Variants in NAV3 observed in about 807,000 individuals in gnomAD.
NAV3 encodes pore membrane and/or filament interacting like protein 1.
In NAV3, 87 loss-of-function variants were observed where a neutral mutation model predicts 244.7. The ratio of observed to expected loss-of-function variants is 0.36; its 90% CI spans 0.30 to 0.42. The LOEUF (loss-of-function observed/expected upper bound fraction) is 0.42. Among genes scored for constraint, NAV3 ranks in the 20% least tolerant of loss-of-function variants. The pLI, the probability that NAV3 is intolerant of heterozygous loss-of-function variation, is 1.00. For synonymous variants in NAV3, 1,126 were observed against 1,042.2 expected (o/e 1.08, Z -1.55); for missense variants, 2,663 against 2,893.3 (o/e 0.92, Z 1.83).
At chr12:78,065,267 C>G (rs1408520167) in intron 12 of NAV3, among the ~76,000 whole-genome samples, 3 of 152,106 alleles carry the variant, frequency 2.0e-5, no homozygotes, top group Non-Finnish European at 4.4e-5. Context: ...TAATGCAAGA[C>G]AGCACAAATC....
At chr12:77,619,733 T>A (rs532425320) in intron 2 of NAV3, among the ~76,000 whole-genome samples, 1 of 152,274 alleles carries the variant, frequency 6.6e-6, no homozygotes, top group African/African-American at 2.4e-5. Flanking sequence ...AATTACTTTC[T>A]GTAAATCACC....
chr12:77,801,933 A>T (rs907998225), intron 2 of NAV3, among the ~76,000 whole-genome samples: 1 of 152,156 alleles, frequency 6.6e-6, no homozygotes, highest in African/African-American at 2.4e-5. Flanking sequence ...AACACCATGT[A>T]TTACATCTCT....
intron 9 of NAV3, among the ~76,000 whole-genome samples, chr12:78,039,995 C>A (rs770116): frequency 6.6e-6 from 1 of 151,806 alleles, no homozygotes; most frequent in Non-Finnish European, 1.5e-5. Context: ...GCATTTCTCA[C>A]GTGCATTTTT....
chr12:77,591,629 A>G (rs1010218683), intron 2 of NAV3, among the ~76,000 whole-genome samples: 2 of 152,220 alleles, frequency 1.3e-5, no homozygotes, highest in Admixed American at 6.5e-5. Context: ...AAGTGTGTCA[A>G]TTGATTTCAA....
At chr12:77,660,910 C>T (rs1873412705) in intron 2 of NAV3, among the ~76,000 whole-genome samples, 1 of 152,126 alleles carries the variant, frequency 6.6e-6, no homozygotes, top group Non-Finnish European at 1.5e-5. Context: ...CATGTTGTTG[C>T]ATGAGCCGTA....
At chr12:77,775,064 C>A (rs1870282593) in intron 2 of NAV3, among the ~76,000 whole-genome samples, 1 of 152,076 alleles carries the variant, frequency 6.6e-6, no homozygotes, top group South Asian at 2.1e-4. Context: ...ATATCAGGAG[C>A]TAGTTGCTTT....
At chr12:77,862,500 G>A (rs183247468) in intron 1 of NAV3, among the ~76,000 whole-genome samples, 330 of 151,882 alleles carry the variant, frequency 2.2e-3, no homozygotes, top group African/African-American at 7.0e-3. Flanking sequence ...TGCAGAATCA[G>A]TTGAATAATT....
chr12:77,946,254 TGTGTGC>T (rs1003959568), intron 3 of NAV3, among the ~76,000 whole-genome samples: 14 of 113,252 alleles, frequency 1.2e-4, no homozygotes, highest in South Asian at 7.1e-4. Flanking sequence ...TGTGTGTGTG[TGTGTGC>T]GCGTGCACCT....
intron 2 of NAV3, among the ~76,000 whole-genome samples, chr12:77,623,652 G>A (rs747462837): frequency 1.4e-4 from 22 of 152,296 alleles, no homozygotes; most frequent in Non-Finnish European, 2.8e-4. Flanking sequence ...TGAGGGAAAG[G>A]TATCTTTATA....
At chr12:77,963,302 G>C (rs1034328564) in intron 3 of NAV3, among the ~76,000 whole-genome samples, 1 of 151,988 alleles carries the variant, frequency 6.6e-6, no homozygotes, top group Non-Finnish European at 1.5e-5. Context: ...CTTAACCAGA[G>C]AATATCATTT....
rs11831910 is a variant in NAV3 at position 77,870,596 on chromosome 12, T to G, written c.243+38892T>G. 4.1e-3 allele frequency among the ~76,000 whole-genome samples: 618 copies of G among 152,284 alleles called. 3 individuals carry two copies. The highest frequency in any genetic ancestry group is 0.014 in the African/African-American group (599 of 41,546). On this transcript the variant is annotated intron_variant, in intron 1 of 39. Transcript: ENST00000397909. ...AACTCAGAAAATCAATTATTCTTGCTGCTTCTGTTACAGATGCTGGAGAAT... is the reference window on the plus strand; with the variant it reads ...AACTCAGAAAATCAATTATTCTTGCGGCTTCTGTTACAGATGCTGGAGAAT...
chr12:77,936,549 T>C (rs923626930), intron 1 of NAV3, among the ~76,000 whole-genome samples: 3 of 152,194 alleles, frequency 2.0e-5, no homozygotes, highest in Non-Finnish European at 2.9e-5. Flanking sequence ...TTCCCAATTA[T>C]ACCAATTTCT....
intron 2 of NAV3, among the ~76,000 whole-genome samples, chr12:77,761,724 G>A (rs1329292350): frequency 6.6e-6 from 1 of 152,184 alleles, no homozygotes; most frequent in Non-Finnish European, 1.5e-5. Flanking sequence ...AAACCACAAG[G>A]AGATACCATC....
chr12:77,743,893 A>G (rs1412345670), intron 2 of NAV3, among the ~76,000 whole-genome samples: 1 of 151,856 alleles, frequency 6.6e-6, no homozygotes, highest in Non-Finnish European at 1.5e-5. Flanking sequence ...TACAAGAAGA[A>G]GAGGTAGAAA....
chr12:77,707,908 T>G (rs1177266388), intron 2 of NAV3, among the ~76,000 whole-genome samples: 3 of 152,208 alleles, frequency 2.0e-5, no homozygotes, highest in Non-Finnish European at 4.4e-5. Context: ...TTGATGGAGT[T>G]GTTTTTTTCT....
At chr12:78,190,783 C>G (rs1397113810) in intron 34 of NAV3, among the ~76,000 whole-genome samples, 7 of 152,046 alleles carry the variant, frequency 4.6e-5, no homozygotes, top group African/African-American at 1.7e-4. Context: ...CATCTACGGT[C>G]TAATGTGCCA....
At chr12:77,637,409 G>A (rs1246792838) in intron 2 of NAV3, among the ~76,000 whole-genome samples, 1 of 151,816 alleles carries the variant, frequency 6.6e-6, no homozygotes, top group Non-Finnish European at 1.5e-5. Flanking sequence ...TTGTCTTCAG[G>A]GCTAAACTGA....
intron 3 of NAV3, among the ~76,000 whole-genome samples, chr12:77,961,864 A>G (rs967415245): frequency 2.6e-5 from 4 of 151,298 alleles, no homozygotes; most frequent in Non-Finnish European, 5.9e-5. Context: ...ATATACTTTA[A>G]TATTTAGTTC....
rs577390630 is a variant in NAV3, at chr12:77,945,866, A to C, written c.414+4733A>C. On this transcript the variant is annotated intron_variant, in intron 3 of 39. Coordinates refer to ENST00000397909, the MANE Select transcript of NAV3 (RefSeq NM_001024383.2). ...GAGTTCAAGCAATTCTCCCTGCCTC[A>C]GCCTCCTGAGTAGCTGGGATTACAG... Among the ~76,000 whole-genome samples, 802 of 151,926 alleles carry C rather than the reference A, an allele frequency of 5.3e-3. 6 individuals are homozygous for C. Among genetic ancestry groups the C allele is most frequent in the African/African-American group, 0.018 (763 of 41,508 alleles).
Sources: allele counts gnomAD v4.1 joint callset (sites outside exome capture counted in the v4.1 genomes callset), GRCh38; gene constraint gnomAD v4.1.1; transcripts MANE v1.5; gene names NCBI Gene and HGNC (gene_info 2026-07-23, HGNC 2026-07-21).